MYO18A: variants seen among roughly 807,000 people sequenced by gnomAD.
MYO18A encodes unconventional myosin-XVIIIa.
In MYO18A, 78 loss-of-function variants were observed where a neutral mutation model predicts 235.8. The ratio of observed to expected loss-of-function variants is 0.33; its 90% CI spans 0.28 to 0.40. The LOEUF (loss-of-function observed/expected upper bound fraction) is 0.40. Ranked by LOEUF, MYO18A falls within the 10% of genes least tolerant of loss-of-function variation. MYO18A has a pLI of 1.00. For synonymous variants in MYO18A, 977 were observed against 1,077.8 expected (o/e 0.91, Z 1.83); for missense variants, 2,215 against 2,699.3 (o/e 0.82, Z 3.98).
At position 29,086,515 on chromosome 17, in the gene MYO18A, T is replaced by A; in HGVS notation, c.5775A>T (p.Ala1925=). Residue 1925 remains alanine (A), a synonymous_variant, in exon 39 of 42, where the codon GCA becomes GCT. Transcript: ENST00000527372. ...CCTGCAGGTCCCCGATGCGCTTGAA[T>A]GCCAACTTTAGGTCAGCCTGCAGGC... ...NQSLQADLKL[A]FKRIGDLQAA... 1 of 1,612,904 alleles carries A rather than the reference T, an allele frequency of 6.2e-7. No individual in the cohort carries two copies. The highest frequency in any genetic ancestry group is 8.5e-7 in the Non-Finnish European group (1 of 1,179,480).
intron 2 of MYO18A, chr17:29,133,832 G>A (rs1388652660): frequency 1.6e-6 from 2 of 1,289,340 alleles, no homozygotes; most frequent in Non-Finnish European, 2.0e-6. Context: ...TGATGAAAAG[G>A]CCATGGCGCT....
In MYO18A at chr17:29,140,311, C is replaced by T. The variant is rs1360039910; in HGVS notation, c.1000-18058G>A. On this transcript the variant is annotated intron_variant, in intron 2 of 41. Coordinates refer to ENST00000527372, the MANE Select transcript of MYO18A (RefSeq NM_078471.4). The surrounding 1 kb of genome is among the most constrained non-coding windows in gnomAD (Gnocchi z 4.2). ...ATAGCATGAGGAGCCTGGGACATTT[C>T]CGGGGTGGGGGGTCAGAGGGACACT... 8.2e-7 allele frequency: 1 copy of T among 1,226,528 alleles called. No individual in the cohort carries two copies. The highest frequency in any genetic ancestry group is 3.2e-5 in the Admixed American group (1 of 31,606). The allele number at this position is 1,226,528 out of a possible 1,614,324, so 76.0% of individuals were successfully genotyped here. A position where few individuals can be genotyped will look rare whatever the true frequency, so the allele number is the denominator to read the frequency against.
rs1317649651 is a variant in MYO18A, at chr17:29,086,487, C to T, written c.5803G>A (p.Ala1935Thr). 6.2e-7 allele frequency: 1 copy of T among 1,610,262 alleles called. No individual in the cohort carries two copies. The highest frequency in any genetic ancestry group is 8.5e-7 in the Non-Finnish European group (1 of 1,178,174). Residue 1935 changes from alanine (A) to threonine (T), a missense_variant, in exon 39 of 42, where the codon GCC becomes ACC. Coordinates refer to ENST00000527372, the MANE Select transcript of MYO18A (RefSeq NM_078471.4). ...TCACTCTCCATCTCATCCTCAATGG[C>T]AGCCTGCAGGTCCCCGATGCGCTTG... ...AFKRIGDLQA[A>T]IEDEMESDEN...
Position 29,158,801 on chromosome 17 carries a change from C to T in MYO18A, c.999+7141G>A, listed in dbSNP as rs1251176981. Among the ~76,000 whole-genome samples the T allele has an allele frequency of 2.0e-5, 3 of 152,156 alleles. 1 individual carries two copies. Among genetic ancestry groups the T allele is most frequent in the Non-Finnish European group, 2.9e-5 (2 of 68,022 alleles). On this transcript the variant is annotated intron_variant, in intron 2 of 41. Transcript: ENST00000527372. This position sits in a 1 kb window ranked among gnomAD's most constrained non-coding sequence, Gnocchi z 4.3. ...CAGCATTTTTAAAATACTTGTGTTC[C>T]CACCCGCCACACACTCCCCTTCACC...
At chr17:29,123,487 G>C (rs899346982) in intron 2 of MYO18A, among the ~76,000 whole-genome samples, 2 of 152,222 alleles carry the variant, frequency 1.3e-5, no homozygotes, top group Non-Finnish European at 2.9e-5. Flanking sequence ...TATGTTCTTT[G>C]TCACATTTCT....
rs1304792017 is a variant in MYO18A at position 29,126,796 on chromosome 17, G to T, written c.1000-4543C>A. 1.3e-5 allele frequency among the ~76,000 whole-genome samples: 2 copies of T among 152,170 alleles called. No individual in the cohort carries two copies. The highest frequency in any genetic ancestry group is 4.8e-5 in the African/African-American group (2 of 41,418). ...CCCAACTCAGAGGCCAGCCAAGAAG[G>T]CAACACTTTCCAAGGGAAAGAGGCT... is the stretch of plus-strand genomic sequence containing the variant. On this transcript the variant is annotated intron_variant, in intron 2 of 41. Transcript: ENST00000527372. The surrounding 1 kb of genome is among the most constrained non-coding windows in gnomAD (Gnocchi z 4.1).
intron 41 of MYO18A, chr17:29,076,263 T>A (rs763055213): frequency 6.6e-6 from 1 of 150,752 alleles, no homozygotes; most frequent in Non-Finnish European, 1.5e-5. Flanking sequence ...TATGTAAACT[T>A]GAATCTGGGA....
chr17:29,148,202 C>A (rs1421437392), intron 2 of MYO18A, among the ~76,000 whole-genome samples: 1 of 152,138 alleles, frequency 6.6e-6, no homozygotes, highest in Non-Finnish European at 1.5e-5. Context: ...TCTCTGACCC[C>A]ATTTGTCCCT....
chr17:29,132,243 C>T (rs1598356304), intron 2 of MYO18A, among the ~76,000 whole-genome samples: 1 of 152,204 alleles, frequency 6.6e-6, no homozygotes, highest in East Asian at 1.9e-4. Flanking sequence ...TACCATCACA[C>T]ATCTGGAAAA....
chr17:29,134,402 T>C (rs375799493), intron 2 of MYO18A, among the ~76,000 whole-genome samples: 1 of 151,976 alleles, frequency 6.6e-6, no homozygotes, highest in South Asian at 2.1e-4. Context: ...GTGCTTTGAA[T>C]AAGCCACTTC....
intron 13 of MYO18A, 33 bp downstream of exon 13, chr17:29,115,318 C>A: frequency 6.2e-7 from 1 of 1,610,662 alleles, no homozygotes; most frequent in Non-Finnish European, 8.5e-7. Flanking sequence ...TCTGCCAAAG[C>A]AGGAAAAGCC....
rs374382667 is a variant in MYO18A at position 29,093,992 on chromosome 17, C to T, written c.4809G>A (p.Ser1603=). 3.0e-5 allele frequency: 49 copies of T among 1,608,358 alleles called. No homozygotes were observed. Among genetic ancestry groups the T allele is most frequent in the South Asian group, 2.9e-4 (26 of 89,572 alleles). The change falls in exon 31 of 42, where the codon TCG becomes TCA. Residue 1603 remains serine, a synonymous_variant. Coordinates refer to ENST00000527372, the MANE Select transcript of MYO18A (RefSeq NM_078471.4). ...TCAGATACCTTACCTTCTTCTGACACGACTGCCGGGCCTCCTCCACCTCCT... is the reference window on the plus strand; with the variant it reads ...TCAGATACCTTACCTTCTTCTGACATGACTGCCGGGCCTCCTCCACCTCCT... The part of the protein sequence containing the change: ...RDEEVEEARQ[S]CQKKLKQMEV...
intron 2 of MYO18A, among the ~76,000 whole-genome samples, chr17:29,150,283 A>G (rs1346032995): frequency 6.6e-6 from 1 of 152,264 alleles, no homozygotes; most frequent in Non-Finnish European, 1.5e-5. Context: ...AAAAGCCTCT[A>G]CCTTGCCTAC....
chr17:29,096,705 C>G, intron 28 of MYO18A, 56 bp downstream of exon 28: 1 of 1,497,334 alleles, frequency 6.7e-7, no homozygotes, highest in Non-Finnish European at 8.9e-7. Context: ...AGGAGGCAGT[C>G]CTGTCTGTGG....
chr17:29,131,548 G>T, intron 2 of MYO18A: 1 of 412,170 alleles, frequency 2.4e-6, no homozygotes, highest in Non-Finnish European at 3.3e-6. Flanking sequence ...CTGAGGTGGA[G>T]CTCCTGAGTC....
chr17:29,094,325 C>T (rs915552107), intron 30 of MYO18A: 82 of 597,902 alleles, frequency 1.4e-4, no homozygotes, highest in South Asian at 1.2e-3. Flanking sequence ...GCAGCTTCTC[C>T]GTCTGCCTGC....
At chr17:29,124,507 G>T in intron 2 of MYO18A, 1 of 471,904 alleles carries the variant, frequency 2.1e-6, no homozygotes, top group Non-Finnish European at 3.1e-6. Context: ...GGTCCTCCCA[G>T]ACACAGGGTG....
chr17:29,082,310 G>T lies in MYO18A; in HGVS notation c.6020+6C>A. On this transcript the variant is annotated splice_donor_region_variant and intron_variant, in intron 41 of 41. Coordinates refer to ENST00000527372, the MANE Select transcript of MYO18A (RefSeq NM_078471.4). ...TTTTCCTCCCAGCTCAAGGCCATAT[G>T]CTCACCTGGAACTCTTTAAGCTGCC... is the stretch of plus-strand genomic sequence containing the variant. The T allele has an allele frequency of 6.2e-7, 1 of 1,613,806 alleles. No homozygotes were observed. The highest frequency in any genetic ancestry group is 8.5e-7 in the Non-Finnish European group (1 of 1,179,754).
In MYO18A at chr17:29,103,629, C is replaced by T. The variant is rs755695644; in HGVS notation, c.3477G>A (p.Glu1159=). The T allele has an allele frequency of 1.2e-6, 2 of 1,613,936 alleles. No individual in the cohort carries two copies. Among genetic ancestry groups the T allele is most frequent in the Middle Eastern group, 1.6e-4 (1 of 6,062 alleles). Reference sequence around the variant, plus strand: ...TCAGGCCCATGCAGCAGCTGCTCTTCTCCAGATCCAAGCACTCCAGCAGCT... The same window carrying T: ...TCAGGCCCATGCAGCAGCTGCTCTTTTCCAGATCCAAGCACTCCAGCAGCT... ...VEELLECLDL[E]KSSCCMGLSR... The change falls in exon 21 of 42, where the codon GAG becomes GAA. Residue 1159 remains glutamate (E), a synonymous_variant. Transcript: ENST00000527372.
Sources: allele counts gnomAD v4.1 joint callset (sites outside exome capture counted in the v4.1 genomes callset), GRCh38; gene constraint gnomAD v4.1.1; non-coding constraint Gnocchi (gnomAD v3.1); transcripts MANE v1.5; gene names NCBI Gene and HGNC (gene_info 2026-07-23, HGNC 2026-07-21).